The following FSTL5 variants were observed in gnomAD, a reference collection of about 807,000 sequenced individuals.
FSTL5 encodes follistatin-related protein 5.
FSTL5 carries 62 observed loss-of-function variants against 89.1 expected under a neutral mutation model. The observed-to-expected ratio is 0.70, with a 90% CI of 0.57 to 0.86. The LOEUF is 0.86. Among genes scored for constraint, FSTL5 ranks in the 40% least tolerant of loss-of-function variants. FSTL5 has a pLI of 0.00. For synonymous variants in FSTL5, 383 were observed against 346.2 expected (o/e 1.11, Z -1.18); for missense variants, 1,057 against 1,001.6 (o/e 1.06, Z -0.75).
rs548339896 is a variant in FSTL5 at position 161,869,863 on chromosome 4, T to G, written c.409+50541A>C. ...TTACATTGATATAATTGGACTTAAA[T>G]GCAGAAATCATATTCAAGATTAAAA... On this transcript the variant is annotated intron_variant, in intron 4 of 15. Transcript: ENST00000306100. Among the ~76,000 whole-genome samples, 4 of 152,340 alleles carry G rather than the reference T, an allele frequency of 2.6e-5. No individual in the cohort carries two copies. In the South Asian group the frequency reaches 6.2e-4, roughly 24 times the overall value.
chr4:161,599,369 T>C (rs1734146735), intron 7 of FSTL5, among the ~76,000 whole-genome samples: 1 of 152,066 alleles, frequency 6.6e-6, no homozygotes, highest in Non-Finnish European at 1.5e-5. Context: ...GCAAAACCAA[T>C]CTGTAAAATA....
At chr4:161,953,926 TG>T (rs1227652141) in intron 3 of FSTL5, among the ~76,000 whole-genome samples, 1 of 151,650 alleles carries the variant, frequency 6.6e-6, no homozygotes. Context: ...TTATATCCAT[TG>T]TGTAAAGACA....
At chr4:161,491,235 C>T (rs908393572) in intron 12 of FSTL5, among the ~76,000 whole-genome samples, 1 of 151,670 alleles carries the variant, frequency 6.6e-6, no homozygotes, top group African/African-American at 2.4e-5. Context: ...CAAGGTCCAC[C>T]GTTAGAAATA....
At chr4:161,987,909 A>T (rs929255206) in intron 3 of FSTL5, among the ~76,000 whole-genome samples, 2 of 151,852 alleles carry the variant, frequency 1.3e-5, no homozygotes, top group African/African-American at 4.8e-5. Flanking sequence ...CTTAGGTTTT[A>T]TCTTAGTCCA....
At chr4:161,604,979 G>A (rs1344692180) in intron 7 of FSTL5, among the ~76,000 whole-genome samples, 2 of 152,138 alleles carry the variant, frequency 1.3e-5, no homozygotes, top group East Asian at 3.9e-4. Flanking sequence ...GTGATTTAGA[G>A]GATAGAGGCA....
At chr4:161,664,619 T>C (rs1490410064) in intron 6 of FSTL5, among the ~76,000 whole-genome samples, 1 of 152,158 alleles carries the variant, frequency 6.6e-6, no homozygotes, top group Non-Finnish European at 1.5e-5. Flanking sequence ...TTTCTCACAT[T>C]TTTCTGTCTT....
At chr4:162,058,475 A>G (rs1186696950) in intron 2 of FSTL5, among the ~76,000 whole-genome samples, 1 of 129,796 alleles carries the variant, frequency 7.7e-6, no homozygotes, top group East Asian at 2.2e-4. Flanking sequence ...CCCCCAGGCT[A>G]GAGTGCAGAG....
At chr4:161,605,945 GAA>G in intron 7 of FSTL5, among the ~76,000 whole-genome samples, 1 of 149,442 alleles carries the variant, frequency 6.7e-6, no homozygotes. Context: ...CATGGAAAAA[GAA>G]AAGTGTGCAT....
At chr4:161,551,295 ATCTCAT>A (rs1342054212) in intron 8 of FSTL5, among the ~76,000 whole-genome samples, 5 of 150,094 alleles carry the variant, frequency 3.3e-5, no homozygotes, top group African/African-American at 1.2e-4. Context: ...GTGAGATGGT[ATCTCAT>A]TGTGGTTTTG....
At chr4:161,821,752 T>G (rs1398530632) in intron 4 of FSTL5, among the ~76,000 whole-genome samples, 1 of 152,224 alleles carries the variant, frequency 6.6e-6, no homozygotes, top group Non-Finnish European at 1.5e-5. Context: ...TTATTTCATT[T>G]TTTTCATGGC....
intron 3 of FSTL5, among the ~76,000 whole-genome samples, chr4:161,947,007 T>C (rs1734754232): frequency 6.6e-6 from 1 of 152,180 alleles, no homozygotes; most frequent in African/African-American, 2.4e-5. Context: ...ATGATTGACA[T>C]TTAAATTTTC....
At chr4:161,599,887 T>C (rs1296880390) in intron 7 of FSTL5, among the ~76,000 whole-genome samples, 1 of 151,946 alleles carries the variant, frequency 6.6e-6, no homozygotes, top group Non-Finnish European at 1.5e-5. Flanking sequence ...AGAACTTAAA[T>C]AATATAAAAA....
At chr4:161,702,321 T>C (rs555249967) in intron 6 of FSTL5, among the ~76,000 whole-genome samples, 1 of 152,280 alleles carries the variant, frequency 6.6e-6, no homozygotes, top group East Asian at 1.9e-4. Flanking sequence ...GTTTTAAAAT[T>C]ATTACCAGGT....
intron 3 of FSTL5, among the ~76,000 whole-genome samples, chr4:161,926,087 G>A (rs1734112828): frequency 6.6e-6 from 1 of 151,654 alleles, no homozygotes; most frequent in African/African-American, 2.4e-5. Flanking sequence ...AAATGCATTC[G>A]AACCTCACAA....
intron 8 of FSTL5, among the ~76,000 whole-genome samples, chr4:161,566,637 A>G (rs1202569137): frequency 6.6e-6 from 1 of 152,036 alleles, no homozygotes; most frequent in Non-Finnish European, 1.5e-5. Context: ...ACTTTTTAAC[A>G]AAGGCCATTC....
In FSTL5 at chr4:161,492,719, A is replaced by G. The variant is rs192970375; in HGVS notation, c.1458+7297T>C. Among the ~76,000 whole-genome samples the G allele has an allele frequency of 4.5e-3, 684 of 152,162 alleles. 11 individuals are homozygous for G. Among genetic ancestry groups the G allele is most frequent in the African/African-American group, 0.014 (591 of 41,554 alleles). ...TAGAAAAAACGAGTTGTAATGGGCA[A>G]TAAGTCGGTAGCTTAAGTACTTAAA... On this transcript the variant is annotated intron_variant, in intron 12 of 15. Coordinates refer to ENST00000306100, the MANE Select transcript of FSTL5 (RefSeq NM_020116.5).
At chr4:161,619,185 T>C (rs1008718540) in intron 7 of FSTL5, among the ~76,000 whole-genome samples, 1 of 152,064 alleles carries the variant, frequency 6.6e-6, no homozygotes, top group African/African-American at 2.4e-5. Flanking sequence ...ATACAAAAAT[T>C]AATTCAAGAT....
intron 4 of FSTL5, among the ~76,000 whole-genome samples, chr4:161,824,361 A>G (rs1270002121): frequency 6.6e-6 from 1 of 152,150 alleles, no homozygotes; most frequent in Non-Finnish European, 1.5e-5. Context: ...ATTCTGTTCC[A>G]TTGGCCTATG....
intron 4 of FSTL5, among the ~76,000 whole-genome samples, chr4:161,790,116 A>G (rs984264695): frequency 6.6e-5 from 10 of 152,258 alleles, no homozygotes; most frequent in African/African-American, 2.2e-4. Flanking sequence ...TGGAGAAATA[A>G]TAAGTAGAAA....
Sources: allele counts gnomAD v4.1 joint callset (sites outside exome capture counted in the v4.1 genomes callset), GRCh38; gene constraint gnomAD v4.1.1; transcripts MANE v1.5; gene names NCBI Gene and HGNC (gene_info 2026-07-23, HGNC 2026-07-21).